Variants in PLAAT4 observed in about 807,000 individuals in gnomAD.
PLAAT4 encodes the protein phospholipase A and acyltransferase 4.
Under a neutral mutation model 14.1 loss-of-function variants are expected in PLAAT4, and 12 were observed. The observed-to-expected ratio is 0.85, with a 90% CI of 0.54 to 1.37. The LOEUF is 1.37. Among genes scored for constraint, PLAAT4 ranks in the 40% most tolerant of loss-of-function variants. The pLI, the probability that PLAAT4 is intolerant of heterozygous loss-of-function variation, is 0.00. For missense variants in PLAAT4, 163 were observed against 211.7 expected (o/e 0.77, Z 1.43); for synonymous variants, 77 against 79.8 (o/e 0.96, Z 0.19).
chr11:63,546,237 A>G lies in PLAAT4; in HGVS notation c.476A>G (p.Gln159Arg), dbSNP rs547099153. The G allele has an allele frequency of 1.1e-5, 17 of 1,607,398 alleles. No homozygotes were observed. In the South Asian group the frequency reaches 1.8e-4, roughly 17 times the overall value. ...AGCSFAIRRY[Q>R]KKATA The stretch of plus-strand genomic sequence containing the variant: ...TGCTCTTTTGCGATTAGGAGATACC[A>G]AAAAAAAGCGACAGCCTGAAGCAGC... The change falls in exon 4 of 4, where the codon CAA (glutamine) becomes CGA (arginine). Residue 159 changes from glutamine (Q) to arginine (R), a missense_variant. Coordinates refer to ENST00000255688, the MANE Select transcript of PLAAT4 (RefSeq NM_004585.5).
chr11:63,540,331 C>G, intron 2 of PLAAT4, among the ~76,000 whole-genome samples: 1 of 152,230 alleles, frequency 6.6e-6, no homozygotes, highest in East Asian at 1.9e-4. Context: ...AACAAGGTGT[C>G]TTGATATTAT....
At chr11:63,539,276 C>T (rs2017301165) in intron 1 of PLAAT4, among the ~76,000 whole-genome samples, 1 of 152,218 alleles carries the variant, frequency 6.6e-6, no homozygotes, top group South Asian at 2.1e-4. Flanking sequence ...ACACATGTCA[C>T]ACATGCGCCC....
At chr11:63,544,990 T>TA (rs2017352674) in intron 3 of PLAAT4, 101 bp downstream of exon 3, 2 of 1,529,572 alleles carry the variant, frequency 1.3e-6, no homozygotes, top group Non-Finnish European at 1.8e-6. Flanking sequence ...TGCAGCCTCT[T>TA]AGAGACCTGC....
intron 1 of PLAAT4, among the ~76,000 whole-genome samples, chr11:63,537,608 A>G (rs2017283147): frequency 6.6e-6 from 1 of 152,178 alleles, no homozygotes; most frequent in Non-Finnish European, 1.5e-5. Context: ...AGCCCAGGCC[A>G]AAGCTCATAT....
Position 63,539,622 on chromosome 11 carries a change from C to A in PLAAT4, c.116C>A (p.Pro39Gln). The A allele has an allele frequency of 6.3e-7, 1 of 1,593,134 alleles. No individual in the cohort carries two copies. The highest frequency in any genetic ancestry group is 2.2e-5 in the East Asian group (1 of 44,758). Residue 39 changes from proline (P) to glutamine (Q), a missense_variant and splice_region_variant, in exon 2 of 4, where the codon CCA becomes CAA. Pro to Gln is a moderately conservative substitution (Grantham distance 76). Transcript: ENST00000255688. ...GDGYVIHLAP[P>Q]SEYPGAGSSS... is the part of the protein sequence containing the mutation. The stretch of plus-strand genomic sequence containing the variant: ...GGCTACGTGATCCATCTGGCTCCTC[C>A]AAGTAAGGACTGATGAATATATAAT...
intron 1 of PLAAT4, among the ~76,000 whole-genome samples, chr11:63,537,328 G>A (rs2017278769): frequency 6.6e-6 from 1 of 152,110 alleles, no homozygotes; most frequent in Non-Finnish European, 1.5e-5. Flanking sequence ...AGCCTTCTAA[G>A]GTGCATTCTA....
intron 1 of PLAAT4, among the ~76,000 whole-genome samples, chr11:63,537,202 G>C (rs1280319836): frequency 6.6e-6 from 1 of 152,124 alleles, no homozygotes; most frequent in Non-Finnish European, 1.5e-5. Context: ...GGGGGACTCT[G>C]GGTTGTGGGA....
At chr11:63,542,029 G>A (rs1238428841) in intron 2 of PLAAT4, among the ~76,000 whole-genome samples, 5 of 152,020 alleles carry the variant, frequency 3.3e-5, no homozygotes, top group Non-Finnish European at 5.9e-5. Context: ...TATAAAGGAG[G>A]TATTCTTTTA....
chr11:63,541,527 C>CT (rs36001314), intron 2 of PLAAT4, among the ~76,000 whole-genome samples: 3,781 of 134,866 alleles, frequency 0.028, 74 homozygotes, highest in African/African-American at 0.062. Context: ...TCTCTCTTTC[C>CT]TTTTTTTTTT....
At chr11:63,541,195 C>CTTT (rs201897796) in intron 2 of PLAAT4, among the ~76,000 whole-genome samples, 3 of 139,420 alleles carry the variant, frequency 2.2e-5, no homozygotes, top group Non-Finnish European at 1.6e-5. Context: ...TGTAAAGAGG[C>CTTT]TTTTTTTTTT....
At chr11:63,542,918 G>C (rs775780580) in intron 2 of PLAAT4, among the ~76,000 whole-genome samples, 1 of 152,112 alleles carries the variant, frequency 6.6e-6, no homozygotes, top group African/African-American at 2.4e-5. Context: ...ACTAACCTAG[G>C]AGAAAGCTTA....
intron 3 of PLAAT4, 66 bp downstream of exon 3, chr11:63,544,955 A>G (rs1053578667): frequency 2.1e-5 from 34 of 1,605,504 alleles, no homozygotes; most frequent in Non-Finnish European, 2.9e-5. Context: ...CTGTGCAGCC[A>G]GGCGATCACT....
In PLAAT4 at chr11:63,538,309, A is replaced by T. The variant is rs1258508838; in HGVS notation, c.10-1207A>T. ...GGCCAGATGTGCCCTTGGGAAGGCC[A>T]CCATGGGTTCTGAGGAGTTGGATAT... On this transcript the variant is annotated intron_variant, in intron 1 of 3. Transcript: ENST00000255688. 1.5e-5 allele frequency: 5 copies of T among 340,406 alleles called. No individual in the cohort carries two copies. In the Admixed American group the frequency reaches 1.5e-4, roughly 10 times the overall value. The allele number at this position is 340,406 out of a possible 1,614,324, so 21.1% of individuals were successfully genotyped here.
At chr11:63,540,169 T>C (rs542901468) in intron 2 of PLAAT4, among the ~76,000 whole-genome samples, 19 of 152,334 alleles carry the variant, frequency 1.2e-4, no homozygotes, top group African/African-American at 4.6e-4. Flanking sequence ...TGCTTCAGCA[T>C]TGGGATCTCT....
intron 2 of PLAAT4, among the ~76,000 whole-genome samples, chr11:63,542,996 C>T (rs1471427089): frequency 6.6e-6 from 1 of 152,068 alleles, no homozygotes; most frequent in Non-Finnish European, 1.5e-5. Context: ...TGTAATACTA[C>T]CTGGATTTGA....
At chr11:63,544,917 C>T in intron 3 of PLAAT4, 28 bp downstream of exon 3, 2 of 1,614,134 alleles carry the variant, frequency 1.2e-6, no homozygotes, top group Non-Finnish European at 1.7e-6. Flanking sequence ...TAATCCATCT[C>T]CCTCTGCTTG....
At chr11:63,537,900 G>A (rs940794587) in intron 1 of PLAAT4, among the ~76,000 whole-genome samples, 1 of 152,192 alleles carries the variant, frequency 6.6e-6, no homozygotes, top group Non-Finnish European at 1.5e-5. Context: ...ACAGCCCAGA[G>A]GGGCACAGGG....
chr11:63,543,822 G>T (rs1182954496), intron 2 of PLAAT4, among the ~76,000 whole-genome samples: 4 of 152,202 alleles, frequency 2.6e-5, no homozygotes, highest in African/African-American at 9.7e-5. Flanking sequence ...GTGCCAGATT[G>T]TAGGACAGAA....
At chr11:63,545,058 G>C in intron 3 of PLAAT4, 169 bp downstream of exon 3, 3 of 949,026 alleles carry the variant, frequency 3.2e-6, no homozygotes, top group Non-Finnish European at 4.9e-6. Flanking sequence ...ATCCACAGAG[G>C]GTCTTTGGAC....
Sources: gnomAD v4.1 joint callset for allele counts (sites outside exome capture counted in the v4.1 genomes callset) on GRCh38, gnomAD v4.1.1 for gene constraint, MANE v1.5 for transcripts, NCBI Gene and HGNC (gene_info 2026-07-23, HGNC 2026-07-21) for gene names.